Variants in ZFPM2 observed in about 807,000 individuals in gnomAD.
The protein encoded by ZFPM2 is zinc finger protein ZFPM2.
Under a neutral mutation model 98.6 loss-of-function variants are expected in ZFPM2, and 20 were observed. The observed-to-expected ratio is 0.20, with a 90% CI of 0.14 to 0.29. The LOEUF is 0.29. Ranked by LOEUF, ZFPM2 falls within the 10% of genes least tolerant of loss-of-function variation. The probability of loss-of-function intolerance (pLI) is 1.00; values close to 1 mark genes in which losing one functional copy is unlikely to be tolerated. For missense variants in ZFPM2, 1,310 were observed against 1,388.6 expected (o/e 0.94, Z 0.90); for synonymous variants, 518 against 502.7 (o/e 1.03, Z -0.41).
chr8:105,660,567 A>G (rs1817368397), intron 5 of ZFPM2, among the ~76,000 whole-genome samples: 1 of 152,232 alleles, frequency 6.6e-6, no homozygotes, highest in African/African-American at 2.4e-5. Flanking sequence ...ATTTGCACAT[A>G]TACACATGTA....
chr8:105,727,678 C>T (rs1219187229), intron 5 of ZFPM2, among the ~76,000 whole-genome samples: 2 of 151,622 alleles, frequency 1.3e-5, no homozygotes, highest in Non-Finnish European at 2.9e-5. Flanking sequence ...CCTCATTGCA[C>T]TGTGGCTTTT....
intron 1 of ZFPM2, among the ~76,000 whole-genome samples, chr8:105,401,378 TA>T (rs1255438780): frequency 6.6e-6 from 1 of 152,116 alleles, no homozygotes; most frequent in Non-Finnish European, 1.5e-5. Flanking sequence ...GCTTGATGTT[TA>T]AAAAAATGCT....
intron 3 of ZFPM2, among the ~76,000 whole-genome samples, chr8:105,465,444 C>T (rs535085875): frequency 1.1e-4 from 17 of 151,932 alleles, no homozygotes; most frequent in African/African-American, 3.6e-4. Context: ...ACAGTTTATA[C>T]AAGCATCTTT....
intron 3 of ZFPM2, among the ~76,000 whole-genome samples, chr8:105,511,144 G>A (rs1350068664): frequency 6.6e-6 from 1 of 152,164 alleles, no homozygotes; most frequent in Non-Finnish European, 1.5e-5. Flanking sequence ...TGGCCAGACT[G>A]GCATGTAGGA....
chr8:105,370,444 G>C (rs573355072), intron 1 of ZFPM2, among the ~76,000 whole-genome samples: 1 of 152,252 alleles, frequency 6.6e-6, no homozygotes, highest in South Asian at 2.1e-4. Flanking sequence ...CGTTGTAAAG[G>C]GAAAAACATT....
Position 105,548,725 on chromosome 8 carries a change from C to T in ZFPM2, c.302-12638C>T, listed in dbSNP as rs545737682. Among the ~76,000 whole-genome samples, 7 of 152,222 alleles carry T rather than the reference C, an allele frequency of 4.6e-5. No individual in the cohort carries two copies. In the South Asian group the frequency reaches 1.5e-3, roughly 32 times the overall value. ...CTCTGAGATGCCATTCCTGATTTCT[C>T]CAGGTTGCCTTAGGAGATTTTTTTC... On this transcript the variant is annotated intron_variant, in intron 3 of 7. Coordinates refer to ENST00000407775, the MANE Select transcript of ZFPM2 (RefSeq NM_012082.4).
Position 105,659,117 on chromosome 8 carries a change from G to T in ZFPM2, c.532+24760G>T, listed in dbSNP as rs541977486. ...TTCCAGACAATATCAGATAGCTTTG[G>T]TAACTCTTTATGTGAATTAGTTAAA... On this transcript the variant is annotated intron_variant, in intron 5 of 7. Transcript: ENST00000407775. 5.3e-4 allele frequency among the ~76,000 whole-genome samples: 81 copies of T among 152,210 alleles called. 1 individual carries two copies. The South Asian group carries it at 0.016, about 30-fold the overall frequency.
At chr8:105,397,571 A>G (rs1159599546) in intron 1 of ZFPM2, among the ~76,000 whole-genome samples, 1 of 152,106 alleles carries the variant, frequency 6.6e-6, no homozygotes, top group African/African-American at 2.4e-5. Flanking sequence ...ATTGTCTTCA[A>G]TGTGATAGTA....
At chr8:105,420,253 C>T (rs557661537) in intron 2 of ZFPM2, among the ~76,000 whole-genome samples, 1 of 152,088 alleles carries the variant, frequency 6.6e-6, no homozygotes, top group African/African-American at 2.4e-5. Context: ...ATTTGTTAAT[C>T]AGACTTCATA....
Position 105,450,198 on chromosome 8 carries a change from G to A in ZFPM2, c.301+5817G>A, listed in dbSNP as rs143280875. Among the ~76,000 whole-genome samples, 5 of 152,170 alleles carry A rather than the reference G, an allele frequency of 3.3e-5. No homozygotes were observed. In the East Asian group the frequency reaches 9.6e-4, roughly 29 times the overall value. On this transcript the variant is annotated intron_variant, in intron 3 of 7. Transcript: ENST00000407775. ...CAGATGATCAGGCAAGTTCTGCTTT[G>A]TACTTTAAACTAGTAAGATGATCAC... is the stretch of plus-strand genomic sequence containing the variant.
At chr8:105,495,715 C>T (rs1453382078) in intron 3 of ZFPM2, among the ~76,000 whole-genome samples, 8 of 152,176 alleles carry the variant, frequency 5.3e-5, no homozygotes, top group East Asian at 1.9e-4. Flanking sequence ...AACATTTCAT[C>T]GTTTTTTTCT....
At chr8:105,525,731 G>A (rs1357481422) in intron 3 of ZFPM2, among the ~76,000 whole-genome samples, 1 of 152,150 alleles carries the variant, frequency 6.6e-6, no homozygotes, top group African/African-American at 2.4e-5. Context: ...CTTTAGATGT[G>A]TTATATAAAA....
At chr8:105,651,737 G>T (rs750650180) in intron 5 of ZFPM2, among the ~76,000 whole-genome samples, 7 of 152,040 alleles carry the variant, frequency 4.6e-5, no homozygotes, top group Non-Finnish European at 8.8e-5. Flanking sequence ...CACAGCCAGC[G>T]CACAGTATAC....
chr8:105,541,074 A>G (rs1340300264), intron 3 of ZFPM2, among the ~76,000 whole-genome samples: 4 of 152,086 alleles, frequency 2.6e-5, no homozygotes, highest in East Asian at 1.9e-4. Context: ...GCATGATCCC[A>G]TGTCTCAAAA....
chr8:105,369,162 G>A (rs1475800685), intron 1 of ZFPM2, among the ~76,000 whole-genome samples: 2 of 152,080 alleles, frequency 1.3e-5, no homozygotes, highest in African/African-American at 4.8e-5. Context: ...GTTTTTCCAT[G>A]TCTATGTCTG....
intron 5 of ZFPM2, among the ~76,000 whole-genome samples, chr8:105,649,384 C>T (rs1364624602): frequency 2.6e-5 from 4 of 152,258 alleles, no homozygotes; most frequent in Middle Eastern, 3.4e-3. Flanking sequence ...TTTCTCCTGC[C>T]TGATTGCCCT....
chr8:105,456,484 G>A (rs1812595613), intron 3 of ZFPM2, among the ~76,000 whole-genome samples: 1 of 151,664 alleles, frequency 6.6e-6, no homozygotes, highest in South Asian at 2.1e-4. Flanking sequence ...AAACTCTCTG[G>A]TAATTGATTA....
At chr8:105,390,310 G>C (rs1326138341) in intron 1 of ZFPM2, among the ~76,000 whole-genome samples, 5 of 152,116 alleles carry the variant, frequency 3.3e-5, no homozygotes, top group Non-Finnish European at 7.4e-5. Context: ...CAGGAAAAGG[G>C]TATACTTATG....
chr8:105,368,828 G>T (rs750437951), intron 1 of ZFPM2, among the ~76,000 whole-genome samples: 11 of 152,094 alleles, frequency 7.2e-5, no homozygotes, highest in Non-Finnish European at 1.5e-4. Context: ...CATAATAGCT[G>T]CTCCAGAAAA....
Sources: gnomAD v4.1 joint callset for allele counts (sites outside exome capture counted in the v4.1 genomes callset) on GRCh38, gnomAD v4.1.1 for gene constraint, MANE v1.5 for transcripts, NCBI Gene and HGNC (gene_info 2026-07-23, HGNC 2026-07-21) for gene names.